The following KCND2 variants were observed in gnomAD, a reference collection of about 807,000 sequenced individuals.
The protein encoded by KCND2 is potassium voltage-gated channel subfamily D member 2, also known as A-type voltage-gated potassium channel KCND2.
Under a neutral mutation model 54.4 loss-of-function variants are expected in KCND2, and 16 were observed. The ratio of observed to expected loss-of-function variants is 0.29; its 90% CI spans 0.20 to 0.45. KCND2 has a LOEUF of 0.45. Ranked by LOEUF, KCND2 falls within the 20% of genes least tolerant of loss-of-function variation. The pLI is 1.00. For synonymous variants in KCND2, 317 were observed against 310.7 expected (o/e 1.02, Z -0.21); for missense variants, 486 against 824.2 (o/e 0.59, Z 5.02).
At chr7:120,355,384 TA>T (rs1294818716) in intron 1 of KCND2, among the ~76,000 whole-genome samples, 1 of 152,090 alleles carries the variant, frequency 6.6e-6, no homozygotes, top group Non-Finnish European at 1.5e-5. Context: ...CCATCTCTAC[TA>T]AAAATACAAA....
At position 120,748,959 on chromosome 7, in the gene KCND2, A is replaced by G. The variant is rs1422481057; in HGVS notation, c.*1101A>G. 1.3e-5 allele frequency: 2 copies of G among 151,916 alleles called. No individual in the cohort carries two copies. Among genetic ancestry groups the G allele is most frequent in the Non-Finnish European group, 2.9e-5 (2 of 67,854 alleles). The allele number at this position is 151,916 out of a possible 1,614,324, so 9.4% of individuals were successfully genotyped here. A position where few individuals can be genotyped will look rare whatever the true frequency, so the allele number is the denominator to read the frequency against. Reference sequence around the variant, plus strand: ...CTTGTCATCAATCCCCTTGTCGAAAACTAGAAAAAAAGGAGTTGACCCATA... The same window carrying G: ...CTTGTCATCAATCCCCTTGTCGAAAGCTAGAAAAAAAGGAGTTGACCCATA... On this transcript the variant is annotated 3_prime_UTR_variant, in exon 6 of 6. Coordinates refer to ENST00000331113, the MANE Select transcript of KCND2 (RefSeq NM_012281.3).
chr7:120,505,693 A>T (rs561973131), intron 1 of KCND2, among the ~76,000 whole-genome samples: 1 of 151,742 alleles, frequency 6.6e-6, no homozygotes, highest in Non-Finnish European at 1.5e-5. Context: ...CCAGAGAGAT[A>T]TTAGAATAAG....
intron 1 of KCND2, among the ~76,000 whole-genome samples, chr7:120,575,599 G>A (rs1792421904): frequency 1.3e-5 from 2 of 152,120 alleles, no homozygotes; most frequent in Admixed American, 1.3e-4. Flanking sequence ...CAAGTTGACA[G>A]TCAGTATTAA....
chr7:120,688,897 A>G (rs1364939335), intron 1 of KCND2, among the ~76,000 whole-genome samples: 1 of 152,198 alleles, frequency 6.6e-6, no homozygotes, highest in Admixed American at 6.6e-5. Flanking sequence ...AGCAAGAGGA[A>G]GGGAAGCCTT....
intron 1 of KCND2, among the ~76,000 whole-genome samples, chr7:120,553,335 C>A (rs1792124259): frequency 6.6e-6 from 1 of 151,906 alleles, no homozygotes; most frequent in Non-Finnish European, 1.5e-5. Context: ...GGATTTTTTT[C>A]TTTTATTAAG....
chr7:120,294,860 G>A (rs576820090), intron 1 of KCND2, among the ~76,000 whole-genome samples: 1 of 151,670 alleles, frequency 6.6e-6, no homozygotes, highest in South Asian at 2.1e-4. Context: ...ACACACATAT[G>A]TACACATACA....
intron 1 of KCND2, among the ~76,000 whole-genome samples, chr7:120,549,368 T>C (rs1792079635): frequency 6.6e-6 from 1 of 152,078 alleles, no homozygotes; most frequent in African/African-American, 2.4e-5. Context: ...AGATGAAAGA[T>C]GTAGAAAAAT....
intron 1 of KCND2, among the ~76,000 whole-genome samples, chr7:120,588,565 A>C (rs906213088): frequency 6.6e-6 from 1 of 151,990 alleles, no homozygotes; most frequent in African/African-American, 2.4e-5. Context: ...GCAGAGCACT[A>C]TTCACCCTGC....
At chr7:120,509,606 A>G (rs911893261) in intron 1 of KCND2, among the ~76,000 whole-genome samples, 1 of 152,052 alleles carries the variant, frequency 6.6e-6, no homozygotes, top group Middle Eastern at 3.2e-3. Flanking sequence ...TTAACAGTCA[A>G]ATGCTGTCTT....
intron 1 of KCND2, among the ~76,000 whole-genome samples, chr7:120,287,422 A>C (rs1799362312): frequency 6.6e-6 from 1 of 152,122 alleles, no homozygotes; most frequent in African/African-American, 2.4e-5. Flanking sequence ...CAATTTAAAT[A>C]GTCTTTGCAG....
intron 1 of KCND2, among the ~76,000 whole-genome samples, chr7:120,645,448 G>A (rs908678910): frequency 2.0e-5 from 3 of 152,124 alleles, no homozygotes; most frequent in African/African-American, 7.2e-5. Context: ...GCTAACATAG[G>A]GTTCTGTGTC....
intron 1 of KCND2, among the ~76,000 whole-genome samples, chr7:120,411,823 T>C (rs1329287286): frequency 1.3e-5 from 2 of 151,974 alleles, no homozygotes; most frequent in Admixed American, 6.6e-5. Flanking sequence ...ATTATGGAAA[T>C]AGTAATCAGT....
intron 1 of KCND2, among the ~76,000 whole-genome samples, chr7:120,679,475 A>G (rs546959974): frequency 4.3e-4 from 65 of 152,022 alleles, no homozygotes; most frequent in African/African-American, 1.2e-3. Flanking sequence ...AAATGGTTTA[A>G]TCTTTTGACT....
chr7:120,281,593 G>T (rs1363252062), intron 1 of KCND2, among the ~76,000 whole-genome samples: 1 of 152,104 alleles, frequency 6.6e-6, no homozygotes, highest in African/African-American at 2.4e-5. Context: ...TTTATAGTTG[G>T]AATTGTGCTT....
intron 1 of KCND2, among the ~76,000 whole-genome samples, chr7:120,434,613 A>G (rs1801840558): frequency 6.6e-6 from 1 of 152,246 alleles, no homozygotes; most frequent in South Asian, 2.1e-4. Flanking sequence ...ATTAAATTGC[A>G]GTGAAACGTA....
chr7:120,333,784 G>A (rs79006095), intron 1 of KCND2, among the ~76,000 whole-genome samples: 4,360 of 152,084 alleles, frequency 0.029, 83 homozygotes, highest in African/African-American at 0.04. Flanking sequence ...TTATCTATTA[G>A]CATTCATCAA....
chr7:120,617,639 AC>A (rs1184007459), intron 1 of KCND2, among the ~76,000 whole-genome samples: 1 of 152,214 alleles, frequency 6.6e-6, no homozygotes, highest in Non-Finnish European at 1.5e-5. Context: ...CAATCCAGTT[AC>A]TGGGTGTATA....
Position 120,747,703 on chromosome 7 carries a change from A to G in KCND2, c.1738A>G (p.Met580Val), listed in dbSNP as rs201942568. The change falls in exon 6 of 6, where the codon ATG (methionine) becomes GTG (valine). Residue 580 changes from methionine to valine, a missense_variant. Met to Val is a conservative substitution (Grantham distance 21, BLOSUM62 1). Transcript: ENST00000331113. ...CAGCCGATCCAGTTTAAATGCCAAA[A>G]TGGAAGAGTGTGTTAAACTAAACTG... ...SNSRSSLNAK[M>V]EECVKLNCEQ... 3.5e-5 allele frequency: 56 copies of G among 1,612,414 alleles called. No individual in the cohort carries two copies. The highest frequency in any genetic ancestry group is 4.5e-5 in the Non-Finnish European group (53 of 1,178,884).
intron 1 of KCND2, among the ~76,000 whole-genome samples, chr7:120,283,567 A>G (rs1174628566): frequency 6.6e-6 from 1 of 152,182 alleles, no homozygotes; most frequent in Non-Finnish European, 1.5e-5. Context: ...GTAAATTGTT[A>G]CTAATAACAC....
Sources: allele counts gnomAD v4.1 joint callset (sites outside exome capture counted in the v4.1 genomes callset), GRCh38; gene constraint gnomAD v4.1.1; transcripts MANE v1.5; gene names NCBI Gene and HGNC (gene_info 2026-07-23, HGNC 2026-07-21).